The following XAF1 variants were observed in gnomAD, a reference collection of about 807,000 sequenced individuals.
XAF1 encodes XIAP associated factor 1, also known as XIAP-associated factor 1.
In XAF1, 32 loss-of-function variants were observed where a neutral mutation model predicts 32.3. That is an observed-to-expected ratio of 0.99 (90% confidence interval 0.75 to 1.33). The LOEUF is 1.33. XAF1 is among the 40% of genes most tolerant of loss of function. XAF1 has a pLI of 0.00. For synonymous variants in XAF1, 120 were observed against 125.9 expected (o/e 0.95, Z 0.31); for missense variants, 379 against 366.0 (o/e 1.04, Z -0.29).
At chr17:6,762,079 G>T in intron 4 of XAF1, 76 bp from the exon 5 acceptor site, 2 of 1,606,348 alleles carry the variant, frequency 1.2e-6, no homozygotes, top group Non-Finnish European at 1.7e-6. Flanking sequence ...CACAGGCCAT[G>T]TATGCAGTTG....
chr17:6,757,774 C>T (rs986082019), intron 1 of XAF1, among the ~76,000 whole-genome samples: 4 of 152,186 alleles, frequency 2.6e-5, no homozygotes, highest in South Asian at 2.1e-4. Flanking sequence ...ACACCATCCC[C>T]GTAATTGAGA....
At position 6,773,505 on chromosome 17, in the gene XAF1, G is replaced by A. The variant is rs1049512331; in HGVS notation, c.*336G>A. 2.0e-5 allele frequency: 5 copies of A among 243,958 alleles called. No individual in the cohort carries two copies. The highest frequency in any genetic ancestry group is 3.9e-5 in the Non-Finnish European group (5 of 127,806). 15.1% of individuals were successfully genotyped at this position (243,958 alleles called of 1,614,324 possible). ...GCTGGAGCATTACTCTTGAGAAGTA[G>A]AACAAGGCACTTCAGTCCTATTCAA... On this transcript the variant is annotated 3_prime_UTR_variant, in exon 7 of 7. Coordinates refer to ENST00000361842, the MANE Select transcript of XAF1 (RefSeq NM_017523.5).
chr17:6,765,166 C>A (rs1975506859), intron 5 of XAF1, among the ~76,000 whole-genome samples: 1 of 152,146 alleles, frequency 6.6e-6, no homozygotes, highest in Admixed American at 6.5e-5. Flanking sequence ...GTAATCCCAG[C>A]ACTTTGGGAG....
At chr17:6,762,818 T>A (rs1447983805) in intron 5 of XAF1, among the ~76,000 whole-genome samples, 1 of 152,224 alleles carries the variant, frequency 6.6e-6, no homozygotes, top group East Asian at 1.9e-4. Flanking sequence ...CATTTCCCCT[T>A]TGGGAAACTT....
chr17:6,773,223 C>T lies in XAF1; in HGVS notation c.*54C>T. On this transcript the variant is annotated 3_prime_UTR_variant, in exon 7 of 7. Transcript: ENST00000361842. The stretch of plus-strand genomic sequence containing the variant: ...CAAAAGATTTCACTTTTAACACTGG[C>T]ATTCCTGCCTACTTGCTGTGGTGGT... 6.7e-7 allele frequency: 1 copy of T among 1,485,636 alleles called. No individual in the cohort carries two copies. Among genetic ancestry groups the T allele is most frequent in the Non-Finnish European group, 9.2e-7 (1 of 1,088,478 alleles). The allele number at this position is 1,485,636 out of a possible 1,614,324, so 92.0% of individuals were successfully genotyped here. A position where few individuals can be genotyped will look rare whatever the true frequency, so the allele number is the denominator to read the frequency against.
At chr17:6,757,013 T>C (rs1567643174) in intron 1 of XAF1, among the ~76,000 whole-genome samples, 3 of 149,520 alleles carry the variant, frequency 2.0e-5, no homozygotes, top group East Asian at 2.0e-4. Flanking sequence ...TTTTTTAAGA[T>C]GGAGTTTCGC....
chr17:6,759,634 G>A (rs1435947774), intron 2 of XAF1, 28 bp from the exon 3 acceptor site: 1 of 1,529,890 alleles, frequency 6.5e-7, no homozygotes, highest in African/African-American at 1.4e-5. Context: ...CATCTGGTGT[G>A]TGTGTGTGTG....
intron 4 of XAF1, chr17:6,761,647 T>G: frequency 2.9e-6 from 1 of 345,972 alleles, no homozygotes; most frequent in Non-Finnish European, 5.2e-6. Flanking sequence ...ATTGTGAGAG[T>G]CATGTATATT....
At chr17:6,764,751 C>T (rs561510986) in intron 5 of XAF1, among the ~76,000 whole-genome samples, 6 of 152,248 alleles carry the variant, frequency 3.9e-5, no homozygotes, top group Non-Finnish European at 8.8e-5. Flanking sequence ...AACATTTGAG[C>T]TAGTTGTCTA....
At position 6,758,571 on chromosome 17, in the gene XAF1, T is replaced by C. The variant is rs112104329; in HGVS notation, c.168+347T>C. 1.8e-4 allele frequency: 62 copies of C among 342,744 alleles called. 1 individual carries two copies. The highest frequency in any genetic ancestry group is 1.2e-3 in the African/African-American group (49 of 41,988). The allele number at this position is 342,744 out of a possible 1,614,324, so 21.2% of individuals were successfully genotyped here. A position where few individuals can be genotyped will look rare whatever the true frequency, so the allele number is the denominator to read the frequency against. ...GAGTCAAGGCGAGTGTTCAGTCCTC[T>C]CTGCAGGTGAGATGGGGTCTGGGAG... On this transcript the variant is annotated intron_variant, in intron 2 of 6. Coordinates refer to ENST00000361842, the MANE Select transcript of XAF1 (RefSeq NM_017523.5).
intron 5 of XAF1, among the ~76,000 whole-genome samples, chr17:6,763,734 T>C (rs1425981449): frequency 6.6e-6 from 1 of 152,126 alleles, no homozygotes; most frequent in Non-Finnish European, 1.5e-5. Flanking sequence ...TGGAATCCTG[T>C]TAGAAATGCA....
intron 6 of XAF1, among the ~76,000 whole-genome samples, chr17:6,772,384 C>A (rs1159843117): frequency 6.6e-6 from 1 of 151,626 alleles, no homozygotes; most frequent in Non-Finnish European, 1.5e-5. Flanking sequence ...TCTTATATAA[C>A]CACCATACAA....
At chr17:6,759,153 G>T (rs2151529996) in intron 2 of XAF1, 1 of 1,017,218 alleles carries the variant, frequency 9.8e-7, no homozygotes, top group Non-Finnish European at 1.2e-6. Flanking sequence ...AAGTCATTTA[G>T]CCCCTCCACA....
At chr17:6,759,489 A>G in intron 2 of XAF1, 173 bp from the exon 3 acceptor site, 3 of 1,447,002 alleles carry the variant, frequency 2.1e-6, no homozygotes, top group Non-Finnish European at 2.7e-6. Flanking sequence ...CACTTCTTGA[A>G]CACTGGGCGG....
At position 6,759,875 on chromosome 17, in the gene XAF1, A is replaced by G. The variant is rs966586179; in HGVS notation, c.225+157A>G. 2.4e-6 allele frequency: 3 copies of G among 1,259,830 alleles called. No homozygotes were observed. The African/African-American group carries it at 4.4e-5, about 19-fold the overall frequency. 78.0% of individuals were successfully genotyped at this position (1,259,830 alleles called of 1,614,324 possible). The stretch of plus-strand genomic sequence containing the variant: ...GCAGTGGAGAACTAGCCCACCGCAT[A>G]ACACAGGTTCTCCTGTCCCCCAGAT... On this transcript the variant is annotated intron_variant, in intron 3 of 6. Coordinates refer to ENST00000361842, the MANE Select transcript of XAF1 (RefSeq NM_017523.5).
chr17:6,758,322 C>A (rs1567645447), intron 2 of XAF1, 98 bp downstream of exon 2: 7 of 1,510,232 alleles, frequency 4.6e-6, no homozygotes, highest in Middle Eastern at 2.0e-4. Context: ...GGACGAGGGT[C>A]TAGTCCTCCC....
chr17:6,757,984 G>T, intron 1 of XAF1, 105 bp from the exon 2 acceptor site: 1 of 1,502,564 alleles, frequency 6.7e-7, no homozygotes, highest in East Asian at 2.3e-5. Context: ...CACATGTTCA[G>T]TGCTTAAGGC....
chr17:6,764,201 A>G (rs916063886), intron 5 of XAF1, among the ~76,000 whole-genome samples: 1 of 152,210 alleles, frequency 6.6e-6, no homozygotes, highest in African/African-American at 2.4e-5. Flanking sequence ...CTCCTTGTTC[A>G]GGAAAAGAAG....
chr17:6,756,320 C>A (rs1974652861), intron 1 of XAF1: 2 of 1,374,578 alleles, frequency 1.5e-6, no homozygotes, highest in Admixed American at 2.9e-5. Flanking sequence ...CACTTCACTG[C>A]AGCCCCTTTC....
Sources: gnomAD v4.1 joint callset for allele counts (sites outside exome capture counted in the v4.1 genomes callset) on GRCh38, gnomAD v4.1.1 for gene constraint, MANE v1.5 for transcripts, NCBI Gene and HGNC (gene_info 2026-07-23, HGNC 2026-07-21) for gene names.